The following PPP3CA variants were observed in gnomAD, a reference collection of about 807,000 sequenced individuals.
The protein encoded by PPP3CA is CAM-PRP catalytic subunit.
Under a neutral mutation model 66.5 loss-of-function variants are expected in PPP3CA, and 14 were observed. That is an observed-to-expected ratio of 0.21 (90% CI 0.14 to 0.33). The LOEUF (loss-of-function observed/expected upper bound fraction) is 0.33, where lower values mean the gene tolerates loss of function less well. Among genes scored for constraint, PPP3CA ranks in the 10% least tolerant of loss-of-function variants. The probability of loss-of-function intolerance (pLI) is 1.00; values close to 1 mark genes in which losing one functional copy is unlikely to be tolerated. For missense variants in PPP3CA, 317 were observed against 639.5 expected (o/e 0.50, Z 5.44); for synonymous variants, 232 against 226.2 (o/e 1.03, Z -0.23).
rs181552889 is a variant in PPP3CA at position 101,229,846 on chromosome 4, T to C, written c.59-33730A>G. Among the ~76,000 whole-genome samples the C allele has an allele frequency of 1.5e-3, 221 of 151,664 alleles. 2 individuals are homozygous for C. The highest frequency in any genetic ancestry group is 0.013 in the Admixed American group (192 of 15,172). On this transcript the variant is annotated intron_variant, in intron 1 of 13. Coordinates refer to ENST00000394854, the MANE Select transcript of PPP3CA (RefSeq NM_000944.5). Reference sequence around the variant, plus strand: ...CAGTGCTTTGTGAGTAGCAGTTGTTTTTAAGGCAAATAGGGCAAAAAGAAA... The same window carrying C: ...CAGTGCTTTGTGAGTAGCAGTTGTTCTTAAGGCAAATAGGGCAAAAAGAAA...
intron 1 of PPP3CA, among the ~76,000 whole-genome samples, chr4:101,256,909 T>G (rs892472492): frequency 6.6e-6 from 1 of 152,032 alleles, no homozygotes; most frequent in Non-Finnish European, 1.5e-5. Flanking sequence ...ACACTCTCAT[T>G]AATGCTGTAA....
At chr4:101,171,454 AAAT>A (rs1458464050) in intron 2 of PPP3CA, among the ~76,000 whole-genome samples, 3 of 152,178 alleles carry the variant, frequency 2.0e-5, no homozygotes, top group African/African-American at 7.2e-5. Context: ...ATAGTAATAA[AAAT>A]AATAATAGCT....
chr4:101,140,421 T>C (rs1008049142), intron 2 of PPP3CA, among the ~76,000 whole-genome samples: 1 of 152,158 alleles, frequency 6.6e-6, no homozygotes, highest in Admixed American at 6.5e-5. Context: ...GGCCCTGTAA[T>C]GACAGGGAAG....
chr4:101,063,374 GA>G lies in PPP3CA; in HGVS notation c.956-18del, dbSNP rs1416615790. 5 of 1,599,764 alleles carry G rather than the reference GA, an allele frequency of 3.1e-6. No individual in the cohort carries two copies. In the African/African-American group the frequency reaches 6.7e-5, roughly 22 times the overall value. ...ATACTGCAGCTAAAAATAACCAAAA[GA>G]GGATGTTAGGAACACAGAACATATT... On this transcript the variant is annotated intron_variant, in intron 8 of 13. Transcript: ENST00000394854.
chr4:101,168,549 T>A (rs977811657), intron 2 of PPP3CA, among the ~76,000 whole-genome samples: 2 of 152,106 alleles, frequency 1.3e-5, no homozygotes, highest in Non-Finnish European at 2.9e-5. Context: ...TGGGACACTC[T>A]AAGAGGGAGA....
intron 2 of PPP3CA, among the ~76,000 whole-genome samples, chr4:101,167,570 A>T (rs1723732794): frequency 6.6e-6 from 1 of 152,060 alleles, no homozygotes; most frequent in Admixed American, 6.6e-5. Context: ...ACTAATAAAT[A>T]AAAAAAACTG....
intron 1 of PPP3CA, among the ~76,000 whole-genome samples, chr4:101,208,291 T>C (rs1371516173): frequency 6.6e-6 from 1 of 152,220 alleles, no homozygotes; most frequent in African/African-American, 2.4e-5. Flanking sequence ...AATGGAGTTG[T>C]ATTTTGTTTT....
At chr4:101,230,701 T>C (rs1253755313) in intron 1 of PPP3CA, among the ~76,000 whole-genome samples, 1 of 151,656 alleles carries the variant, frequency 6.6e-6, no homozygotes, top group Non-Finnish European at 1.5e-5. Context: ...GGTCACTGTG[T>C]CTTCCTTCTG....
Position 101,302,172 on chromosome 4 carries a change from AT to A in PPP3CA, c.58+44566del, listed in dbSNP as rs563213048. Among the ~76,000 whole-genome samples the A allele has an allele frequency of 1.8e-3, 271 of 152,268 alleles. 1 individual carries two copies. The Middle Eastern group carries it at 0.027, about 15-fold the overall frequency. On this transcript the variant is annotated intron_variant, in intron 1 of 13. Transcript: ENST00000394854. Reference sequence around the variant, plus strand: ...AGATTTAGAGTAATCTCATTTGTAAATTGGTTTTATGCCAGAAATACTCCCC... The same window carrying A: ...AGATTTAGAGTAATCTCATTTGTAAATGGTTTTATGCCAGAAATACTCCCC...
Position 101,073,228 on chromosome 4 carries a change from CGTGT to C in PPP3CA, c.955+7300_955+7303del, listed in dbSNP as rs74947807. Among the ~76,000 whole-genome samples the C allele has an allele frequency of 5.5e-3, 790 of 143,814 alleles. 9 individuals are homozygous for C. The East Asian group carries it at 0.067, about 12-fold the overall frequency. The allele number at this position is 143,814 out of a possible 152,430, so 94.3% of individuals were successfully genotyped here. On this transcript the variant is annotated intron_variant, in intron 8 of 13. Coordinates refer to ENST00000394854, the MANE Select transcript of PPP3CA (RefSeq NM_000944.5). ...TCTTTTCTACCACCATATATATATA[CGTGT>C]GTGTGTGTGTGTGTGTGTGTGTATA... is the stretch of plus-strand genomic sequence containing the variant.
chr4:101,101,829 T>C (rs1730456341), intron 3 of PPP3CA, among the ~76,000 whole-genome samples: 1 of 152,196 alleles, frequency 6.6e-6, no homozygotes, highest in South Asian at 2.1e-4. Context: ...CTGACTTCTT[T>C]AGATTAGTTT....
At position 101,093,912 on chromosome 4, in the gene PPP3CA, C is replaced by T. The variant is rs1475577978; in HGVS notation, c.646G>A (p.Asp216Asn). 1 of 1,595,394 alleles carries T rather than the reference C, an allele frequency of 6.3e-7. No individual in the cohort carries two copies. Among genetic ancestry groups the T allele is most frequent in the South Asian group, 1.1e-5 (1 of 87,508 alleles). ...INTLDDIRKL[D>N]RFKEPPAYGP... ...TATGCAGGTGGTTCTTTGAATCGGTCTAACTAAGAAAAATAGAAGACAGAG... is the reference window on the plus strand; with the variant it reads ...TATGCAGGTGGTTCTTTGAATCGGTTTAACTAAGAAAAATAGAAGACAGAG... Residue 216 changes from aspartate to asparagine, a missense_variant, in exon 6 of 14, where the codon GAC becomes AAC. Transcript: ENST00000394854.
At chr4:101,032,996 T>TAA in intron 11 of PPP3CA, among the ~76,000 whole-genome samples, 1 of 152,270 alleles carries the variant, frequency 6.6e-6, no homozygotes, top group African/African-American at 2.4e-5. Context: ...TTTGCTAATA[T>TAA]AAAATTATTT....
At chr4:101,071,895 T>A (rs1043695406) in intron 8 of PPP3CA, among the ~76,000 whole-genome samples, 2 of 152,188 alleles carry the variant, frequency 1.3e-5, no homozygotes, top group Non-Finnish European at 2.9e-5. Context: ...GATACAGAGA[T>A]TATGTGTAGA....
chr4:101,226,067 A>C (rs1437047621), intron 1 of PPP3CA, among the ~76,000 whole-genome samples: 2 of 151,822 alleles, frequency 1.3e-5, no homozygotes, highest in African/African-American at 4.8e-5. Flanking sequence ...AAGTAATATT[A>C]TTCTTCTTTC....
intron 1 of PPP3CA, among the ~76,000 whole-genome samples, chr4:101,343,485 C>T (rs915002183): frequency 6.6e-6 from 1 of 152,056 alleles, no homozygotes; most frequent in Admixed American, 6.6e-5. Flanking sequence ...TTATTGCCCT[C>T]GGTTTGCTGT....
chr4:101,115,630 T>C (rs1274799015), intron 2 of PPP3CA, among the ~76,000 whole-genome samples: 5 of 151,960 alleles, frequency 3.3e-5, no homozygotes, highest in Non-Finnish European at 2.9e-5. Flanking sequence ...GGTTTCACTA[T>C]AAGAGCTATA....
intron 13 of PPP3CA, among the ~76,000 whole-genome samples, chr4:101,027,410 T>A (rs942624516): frequency 1.3e-5 from 2 of 151,988 alleles, no homozygotes; most frequent in Admixed American, 1.3e-4. Context: ...AAATAGTTTT[T>A]CCCCCCTCTG....
intron 1 of PPP3CA, among the ~76,000 whole-genome samples, chr4:101,219,233 T>A (rs1725548638): frequency 6.6e-6 from 1 of 152,034 alleles, no homozygotes; most frequent in East Asian, 1.9e-4. Context: ...ATAATCCAGA[T>A]TATTCTTCTA....
Sources: gnomAD v4.1 joint callset for allele counts (sites outside exome capture counted in the v4.1 genomes callset) on GRCh38, gnomAD v4.1.1 for gene constraint, MANE v1.5 for transcripts, NCBI Gene and HGNC (gene_info 2026-07-23, HGNC 2026-07-21) for gene names.